KCTD5: variants seen among roughly 807,000 people sequenced by gnomAD.
KCTD5 encodes potassium channel tetramerization domain containing 5, also known as BTB/POZ domain-containing protein KCTD5.
Under a neutral mutation model 27.9 loss-of-function variants are expected in KCTD5, and 12 were observed. The observed-to-expected ratio is 0.43, with a 90% CI of 0.28 to 0.70. The LOEUF (loss-of-function observed/expected upper bound fraction) is 0.70. Ranked by LOEUF, KCTD5 falls within the 30% of genes least tolerant of loss-of-function variation. The pLI is 0.19. For synonymous variants in KCTD5, 147 were observed against 121.4 expected (o/e 1.21, Z -1.39); for missense variants, 226 against 274.8 (o/e 0.82, Z 1.26).
At chr16:2,696,659 C>A (rs1418739810) in intron 2 of KCTD5, among the ~76,000 whole-genome samples, 1 of 152,190 alleles carries the variant, frequency 6.6e-6, no homozygotes, top group African/African-American at 2.4e-5. Flanking sequence ...TGCGTGCGGG[C>A]GTGGCCCTGC....
intron 1 of KCTD5, chr16:2,686,017 G>T (rs1337694316): frequency 6.7e-6 from 1 of 148,200 alleles, no homozygotes; most frequent in Non-Finnish European, 1.5e-5. Flanking sequence ...GTAGGGAGGG[G>T]AGCTCTTGAC....
rs545528605 is a variant in KCTD5, at chr16:2,699,974, A to C, written c.549+58A>C. On this transcript the variant is annotated intron_variant, in intron 4 of 5. Coordinates refer to ENST00000301738, the MANE Select transcript of KCTD5 (RefSeq NM_018992.4). ...TGCTGCAGCTGAACTTGTGCTCACA[A>C]TGGCTCAGGGCTCAGTGCTCCTGGA... is the stretch of plus-strand genomic sequence containing the variant. 2.4e-5 allele frequency: 36 copies of C among 1,484,762 alleles called. 1 individual carries two copies. In the South Asian group the frequency reaches 2.7e-4, roughly 11 times the overall value. The allele number at this position is 1,484,762 out of a possible 1,614,324, so 92.0% of individuals were successfully genotyped here. A position where few individuals can be genotyped will look rare whatever the true frequency, so the allele number is the denominator to read the frequency against.
At chr16:2,692,866 A>G (rs1466902122) in intron 1 of KCTD5, among the ~76,000 whole-genome samples, 1 of 152,256 alleles carries the variant, frequency 6.6e-6, no homozygotes, top group Non-Finnish European at 1.5e-5. Context: ...TGAGCCTGCA[A>G]GGGCCCGGCA....
At chr16:2,691,008 G>T (rs1179029228) in intron 1 of KCTD5, among the ~76,000 whole-genome samples, 1 of 152,214 alleles carries the variant, frequency 6.6e-6, no homozygotes, top group African/African-American at 2.4e-5. Flanking sequence ...GTCTGGGCCT[G>T]GGCTGGCACC....
intron 3 of KCTD5, chr16:2,699,151 G>C (rs899913689): frequency 2.2e-6 from 1 of 455,972 alleles, no homozygotes; most frequent in Non-Finnish European, 4.4e-6. Context: ...CTGCGTTTCC[G>C]TCCAGCCCCG....
intron 4 of KCTD5, among the ~76,000 whole-genome samples, chr16:2,700,695 G>A (rs4296261): frequency 0.058 from 8,809 of 152,290 alleles, 301 homozygotes; most frequent in African/African-American, 0.079. Context: ...GGCCCAGTGC[G>A]CCTGCCAGGT....
chr16:2,706,122 G>A (rs573860942), intron 5 of KCTD5, among the ~76,000 whole-genome samples: 1 of 152,316 alleles, frequency 6.6e-6, no homozygotes, highest in South Asian at 2.1e-4. Flanking sequence ...GAGAGTGAGT[G>A]GGAGCCTCGA....
intron 1 of KCTD5, among the ~76,000 whole-genome samples, chr16:2,687,648 T>G (rs1408557769): frequency 3.9e-5 from 6 of 152,338 alleles, no homozygotes; most frequent in Admixed American, 3.9e-4. Flanking sequence ...TGGGGGCGCC[T>G]GCTGCCTGGT....
chr16:2,707,393 C>G lies in KCTD5; in HGVS notation c.*66C>G. On this transcript the variant is annotated 3_prime_UTR_variant, in exon 6 of 6. Transcript: ENST00000301738. ...CCCGAGATGTAATGAACTGCCATGT[C>G]CAGGAAGCTTGGCTGTGAGAAGAAA... 2 of 1,500,740 alleles carry G rather than the reference C, an allele frequency of 1.3e-6. No homozygotes were observed. The highest frequency in any genetic ancestry group is 1.9e-6 in the Non-Finnish European group (2 of 1,076,526). The allele number at this position is 1,500,740 out of a possible 1,614,324, so 93.0% of individuals were successfully genotyped here.
chr16:2,690,416 C>A (rs767061788), intron 1 of KCTD5, among the ~76,000 whole-genome samples: 30 of 152,256 alleles, frequency 2.0e-4, no homozygotes, highest in African/African-American at 7.2e-5. Context: ...GCTGGGCCCA[C>A]TCAATGCCAG....
chr16:2,701,198 A>G (rs1228743974), intron 4 of KCTD5, among the ~76,000 whole-genome samples: 3 of 152,206 alleles, frequency 2.0e-5, no homozygotes, highest in Non-Finnish European at 4.4e-5. Context: ...CTTCGACCTT[A>G]GCACTTCTGG....
intron 1 of KCTD5, among the ~76,000 whole-genome samples, chr16:2,691,106 A>G (rs2067564683): frequency 6.6e-6 from 1 of 152,168 alleles, no homozygotes; most frequent in Non-Finnish European, 1.5e-5. Context: ...ACATGCTTGG[A>G]AGCGAGTCAG....
At chr16:2,693,873 T>C (rs1302733179) in intron 1 of KCTD5, among the ~76,000 whole-genome samples, 1 of 148,378 alleles carries the variant, frequency 6.7e-6, no homozygotes, top group African/African-American at 2.5e-5. Context: ...TGGGGTGGCC[T>C]GGCTGTGAGC....
Position 2,693,015 on chromosome 16 carries a change from C to T in KCTD5, c.253-2920C>T, listed in dbSNP as rs567595083. Among the ~76,000 whole-genome samples, 227 of 152,354 alleles carry T rather than the reference C, an allele frequency of 1.5e-3. 3 individuals carry two copies. Among genetic ancestry groups the T allele is most frequent in the Middle Eastern group, 3.4e-3 (1 of 294 alleles). On this transcript the variant is annotated intron_variant, in intron 1 of 5. Coordinates refer to ENST00000301738, the MANE Select transcript of KCTD5 (RefSeq NM_018992.4). ...AGTTTGGGTGGGGCGAACCCCAGGG[C>T]TGCAGCCCCAGGCAGCCCCACGCAG...
chr16:2,704,767 C>T (rs2067627707), intron 5 of KCTD5, among the ~76,000 whole-genome samples: 1 of 152,186 alleles, frequency 6.6e-6, no homozygotes, highest in Admixed American at 6.5e-5. Context: ...CACCCTCCCT[C>T]CTGCAGCAGT....
chr16:2,698,334 G>A (rs1006524195), intron 3 of KCTD5, among the ~76,000 whole-genome samples: 1 of 152,250 alleles, frequency 6.6e-6, no homozygotes, highest in Non-Finnish European at 1.5e-5. Context: ...ATCTGGTAGG[G>A]AGCAGAGGGT....
intron 4 of KCTD5, among the ~76,000 whole-genome samples, 200 bp from the exon 5 acceptor site, chr16:2,702,153 A>G (rs739717): frequency 0.49 from 74,528 of 152,082 alleles, 18,900 homozygotes; most frequent in Middle Eastern, 0.56. Context: ...AGCTCGCCCC[A>G]TGCCATGCCA....
intron 5 of KCTD5, 31 bp downstream of exon 5, chr16:2,702,509 A>G (rs2067616946): frequency 6.2e-7 from 1 of 1,607,302 alleles, no homozygotes; most frequent in South Asian, 1.1e-5. Context: ...GGCCTGGGGC[A>G]GTCTTGGGTG....
chr16:2,697,811 TGCAGGGGCAGGG>T, intron 2 of KCTD5, 83 bp from the exon 3 acceptor site: 1 of 871,466 alleles, frequency 1.1e-6, no homozygotes, highest in Non-Finnish European at 1.9e-6. Context: ...GGGCCCTCAT[TGCAGGGGCAGGG>T]GCAAGGGCAG....
Sources: allele counts gnomAD v4.1 joint callset (sites outside exome capture counted in the v4.1 genomes callset), GRCh38; gene constraint gnomAD v4.1.1; transcripts MANE v1.5; gene names NCBI Gene and HGNC (gene_info 2026-07-23, HGNC 2026-07-21).